ZNF263: variants seen among roughly 807,000 people sequenced by gnomAD.
The protein encoded by ZNF263 is zinc finger protein 263.
In ZNF263, 49 loss-of-function variants were observed where a neutral mutation model predicts 63.1. The observed-to-expected ratio is 0.78, with a 90% CI of 0.62 to 0.99. The LOEUF (loss-of-function observed/expected upper bound fraction) is 0.99, where lower values mean the gene tolerates loss of function less well. Ranked by LOEUF, ZNF263 falls within the 50% of genes least tolerant of loss-of-function variation. The pLI, the probability that ZNF263 is intolerant of heterozygous loss-of-function variation, is 0.00. For synonymous variants in ZNF263, 352 were observed against 324.2 expected (o/e 1.09, Z -0.92); for missense variants, 872 against 854.8 (o/e 1.02, Z -0.25).
intron 2 of ZNF263, chr16:3,299,194 T>C: frequency 6.3e-7 from 1 of 1,597,128 alleles, no homozygotes; most frequent in Non-Finnish European, 8.5e-7. Context: ...TAATTTAAAT[T>C]CAGCAGTCTG....
intron 4 of ZNF263, among the ~76,000 whole-genome samples, chr16:3,287,354 C>T (rs1466756937): frequency 6.6e-6 from 1 of 151,730 alleles, no homozygotes; most frequent in Non-Finnish European, 1.5e-5. Context: ...TCAGGTGATC[C>T]ACCCGCCTCC....
At chr16:3,299,176 A>G in intron 2 of ZNF263, 1 of 1,587,058 alleles carries the variant, frequency 6.3e-7, no homozygotes, top group African/African-American at 1.4e-5. Context: ...ACTCTCTCTT[A>G]CAGCAGATAA....
Position 3,300,268 on chromosome 16 carries a change from C to T in ZNF263, c.*47-645C>T, listed in dbSNP as rs200256371. ...ACCAGTGCTAGCTTTGAAATCTGTTCGCCCAAAACACCGTGCAAATCTCTC... is the reference window on the plus strand; with the variant it reads ...ACCAGTGCTAGCTTTGAAATCTGTTTGCCCAAAACACCGTGCAAATCTCTC... On this transcript the variant is annotated intron_variant, in intron 2 of 2. Transcript: ENST00000574674. The T allele has an allele frequency of 7.8e-5, 126 of 1,614,210 alleles. No homozygotes were observed. The African/African-American group carries it at 1.6e-3, about 20-fold the overall frequency.
chr16:3,290,762 G>C lies in ZNF263; in HGVS notation c.*204G>C, dbSNP rs772931058. On this transcript the variant is annotated 3_prime_UTR_variant, in exon 6 of 6. Coordinates refer to ENST00000219069, the MANE Select transcript of ZNF263 (RefSeq NM_005741.5). ...CTGTCTGCATGAGAAAGGATGGCAA[G>C]TCTCTGAGGTGACCTCAGGGTGGAA... 90 of 1,381,026 alleles carry C rather than the reference G, an allele frequency of 6.5e-5. No individual in the cohort carries two copies. Among genetic ancestry groups the C allele is most frequent in the Non-Finnish European group, 8.2e-5 (88 of 1,070,854 alleles). The allele number at this position is 1,381,026 out of a possible 1,614,324, so 85.5% of individuals were successfully genotyped here.
downstream of ZNF263, among the ~76,000 whole-genome samples, chr16:3,292,173 C>G (rs975392124): frequency 1.3e-5 from 2 of 152,104 alleles, no homozygotes; most frequent in Non-Finnish European, 2.9e-5. Context: ...GATACAGCCC[C>G]GGAGGAAGGT....
At chr16:3,285,987 G>A (rs774736967) in intron 3 of ZNF263, 36 bp from the exon 4 acceptor site, 2 of 1,613,788 alleles carry the variant, frequency 1.2e-6, no homozygotes, top group Non-Finnish European at 1.7e-6. Flanking sequence ...TGTTCTTGGT[G>A]CATCAGGGGC....
In ZNF263 at chr16:3,299,858, T is replaced by G. The variant is rs368877455; in HGVS notation, c.*46+702T>G. On this transcript the variant is annotated intron_variant, in intron 2 of 2. Transcript: ENST00000574674. Reference sequence around the variant, plus strand: ...AATTCTCTGGTGAACCAAACATCTTTACTGGGTTTATATATCACAGGCAAT... The same window carrying G: ...AATTCTCTGGTGAACCAAACATCTTGACTGGGTTTATATATCACAGGCAAT... The G allele has an allele frequency of 2.3e-5, 37 of 1,594,442 alleles. No homozygotes were observed. The highest frequency in any genetic ancestry group is 3.0e-5 in the Non-Finnish European group (35 of 1,171,850).
At chr16:3,298,226 T>C (rs1299051552) in intron 1 of ZNF263, among the ~76,000 whole-genome samples, 1 of 152,258 alleles carries the variant, frequency 6.6e-6, no homozygotes, top group African/African-American at 2.4e-5. Flanking sequence ...GTCTCACCTC[T>C]GCTGTTTACC....
chr16:3,289,412 C>T lies in ZNF263; in HGVS notation c.906C>T (p.Asn302=). The T allele has an allele frequency of 6.6e-7, 1 of 1,511,722 alleles. No homozygotes were observed. Among genetic ancestry groups the T allele is most frequent in the Middle Eastern group, 1.8e-4 (1 of 5,572 alleles). 93.6% of individuals were successfully genotyped at this position (1,511,722 alleles called of 1,614,324 possible). The part of the protein sequence containing the change: ...GPAPGEEKFE[N]LEGVPSVCSE... ...TACCAGGAGAAGAGAAATTTGAGAA[C>T]CTGGAAGGTGTTCCGTCTGTATGCT... The change falls in exon 6 of 6, where the codon AAC becomes AAT. Residue 302 remains asparagine (N), a synonymous_variant. Transcript: ENST00000219069.
At position 3,298,826 on chromosome 16, in the gene ZNF263, A is replaced by T. The variant is rs186973942; in HGVS notation, c.152-280A>T. 7.9e-5 allele frequency: 32 copies of T among 403,042 alleles called. No homozygotes were observed. In the Admixed American group the frequency reaches 1.4e-3, roughly 17 times the overall value. The allele number at this position is 403,042 out of a possible 1,614,324, so 25.0% of individuals were successfully genotyped here. A position where few individuals can be genotyped will look rare whatever the true frequency, so the allele number is the denominator to read the frequency against. On this transcript the variant is annotated intron_variant, in intron 1 of 2. Coordinates refer to the ZNF263 transcript ENST00000574674. ...ATTTAAATAAATTTAAAGAAACACA[A>T]ATGTATTATTTTCAAACTGTAAATT...
At position 3,290,262 on chromosome 16, in the gene ZNF263, C is replaced by G; in HGVS notation, c.1756C>G (p.Gln586Glu). ...TTTGACTTGTGGGAAAAGCTTCCGG[C>G]AGGGCATGCACCTCACCAGACATCA... ...ECLTCGKSFR[Q>E]GMHLTRHQRT... The change falls in exon 6 of 6, where the codon CAG becomes GAG. Residue 586 changes from glutamine (Q) to glutamate (E), a missense_variant. By Grantham distance (29) the Gln-to-Glu change is conservative (BLOSUM62 2). Coordinates refer to ENST00000219069, the MANE Select transcript of ZNF263 (RefSeq NM_005741.5). The G allele has an allele frequency of 6.2e-7, 1 of 1,614,108 alleles. No individual in the cohort carries two copies. The highest frequency in any genetic ancestry group is 8.5e-7 in the Non-Finnish European group (1 of 1,180,012).
At chr16:3,301,283 A>C in exon 3 of ZNF263, 1 of 167,248 alleles carries the variant, frequency 6.0e-6, no homozygotes. Context: ...GGATGTATGG[A>C]GAGTTGGAAT....
chr16:3,293,043 A>C (rs996827231), downstream of ZNF263: 2 of 152,156 alleles, frequency 1.3e-5, no homozygotes, highest in African/African-American at 2.4e-5. Context: ...TGTTTGAGAG[A>C]GTAGGTCTGA....
chr16:3,295,451 C>G (rs1959718062), downstream of ZNF263, among the ~76,000 whole-genome samples: 1 of 152,160 alleles, frequency 6.6e-6, no homozygotes, highest in African/African-American at 2.4e-5. Context: ...TGGTGGTTCT[C>G]GCACGCACAG....
chr16:3,294,344 G>A (rs1426666057), downstream of ZNF263, among the ~76,000 whole-genome samples: 1 of 152,182 alleles, frequency 6.6e-6, no homozygotes, highest in Non-Finnish European at 1.5e-5. Flanking sequence ...ACAAGCATTT[G>A]AAACAACTAA....
At chr16:3,292,553 G>A (rs1485412622), downstream of ZNF263, among the ~76,000 whole-genome samples, 3 of 152,136 alleles carry the variant, frequency 2.0e-5, no homozygotes, top group Non-Finnish European at 2.9e-5. Context: ...GAATTGGATG[G>A]AATGTAAAGC....
intron 2 of ZNF263, chr16:3,299,605 C>T (rs1454729264): frequency 6.4e-7 from 1 of 1,559,820 alleles, no homozygotes; most frequent in Non-Finnish European, 8.6e-7. Flanking sequence ...CCGTTTGCAG[C>T]TCAAGATCAC....
chr16:3,290,879 T>G lies in ZNF263; in HGVS notation c.*321T>G. On this transcript the variant is annotated 3_prime_UTR_variant, in exon 6 of 6. Transcript: ENST00000219069. ...GATTTGGGCACCTGACTGTCCAGTTTACCTTAACAAGTTTGGGAATCCATG... is the reference window on the plus strand; with the variant it reads ...GATTTGGGCACCTGACTGTCCAGTTGACCTTAACAAGTTTGGGAATCCATG... 1 of 1,066,592 alleles carries G rather than the reference T, an allele frequency of 9.4e-7. No homozygotes were observed. Among genetic ancestry groups the G allele is most frequent in the African/African-American group, 1.7e-5 (1 of 60,362 alleles). 66.1% of individuals were successfully genotyped at this position (1,066,592 alleles called of 1,614,324 possible). A position where few individuals can be genotyped will look rare whatever the true frequency, so the allele number is the denominator to read the frequency against.
Position 3,283,851 on chromosome 16 carries a change from A to G in ZNF263, c.33A>G (p.Glu11=), listed in dbSNP as rs1959239562. 1.9e-6 allele frequency: 3 copies of G among 1,589,492 alleles called. No homozygotes were observed. The highest frequency in any genetic ancestry group is 1.3e-5 in the African/African-American group (1 of 74,172). ...CGGGCCCGGGCTCCCAGGAACGGGA[A>G]GGGCTCCTGATAGTGAAGCTGGAGG... MASGPGSQER[E]GLLIVKLEED... The change falls in exon 1 of 6, where the codon GAA becomes GAG. Residue 11 remains glutamate, a synonymous_variant. Transcript: ENST00000219069.
Sources: gnomAD v4.1 joint callset for allele counts (sites outside exome capture counted in the v4.1 genomes callset) on GRCh38, gnomAD v4.1.1 for gene constraint, MANE v1.5 for transcripts, NCBI Gene and HGNC (gene_info 2026-07-23, HGNC 2026-07-21) for gene names.